FILIP1: variants seen among roughly 807,000 people sequenced by gnomAD.
The protein encoded by FILIP1 is filamin A interacting protein 1.
A neutral mutation model predicts 102.1 loss-of-function variants in FILIP1; 61 were observed. The observed-to-expected ratio is 0.60, with a 90% confidence interval of 0.49 to 0.74. The LOEUF is 0.74. FILIP1 is among the 30% of genes least tolerant of loss of function. The pLI is 0.00. For missense variants in FILIP1, 1,314 were observed against 1,441.2 expected (o/e 0.91, Z 1.43); for synonymous variants, 491 against 526.9 (o/e 0.93, Z 0.93).
intron 4 of FILIP1, among the ~76,000 whole-genome samples, chr6:75,352,764 C>T (rs893324354): frequency 6.6e-6 from 1 of 151,372 alleles, no homozygotes; most frequent in Admixed American, 6.6e-5. Flanking sequence ...AGATTTCCAC[C>T]CCAAAGAGAA....
rs1299304955 is a variant in FILIP1 at position 75,493,722 on chromosome 6, G to A, written c.-315C>T. On this transcript the variant is annotated 5_prime_UTR_variant, in exon 1 of 6. Transcript: ENST00000237172. ...TTGTTTAAAAGTTTTTTCTACTGTT[G>A]CTAGGTGTTGTTGGGTTCGGAGATT... The A allele has an allele frequency of 6.6e-6, 1 of 152,168 alleles. No individual in the cohort carries two copies. Among genetic ancestry groups the A allele is most frequent in the Non-Finnish European group, 1.5e-5 (1 of 68,042 alleles). The allele number at this position is 152,168 out of a possible 1,614,324, so 9.4% of individuals were successfully genotyped here. A position where few individuals can be genotyped will look rare whatever the true frequency, so the allele number is the denominator to read the frequency against.
At chr6:75,450,229 T>C (rs111917064) in intron 1 of FILIP1, among the ~76,000 whole-genome samples, 25,248 of 152,152 alleles carry the variant, frequency 0.17, 2,259 homozygotes, top group South Asian at 0.24. Context: ...CCTCTCACCT[T>C]GGCCTCTCAA....
chr6:75,371,005 C>T (rs753089027), intron 2 of FILIP1, among the ~76,000 whole-genome samples: 6 of 152,056 alleles, frequency 3.9e-5, no homozygotes, highest in Admixed American at 6.5e-5. Context: ...TTGAATTATA[C>T]TATTTACCTG....
intron 4 of FILIP1, among the ~76,000 whole-genome samples, chr6:75,341,173 T>C (rs1281260606): frequency 2.0e-5 from 3 of 151,166 alleles, no homozygotes; most frequent in African/African-American, 7.3e-5. Flanking sequence ...TTTTTTTGGA[T>C]TTTTTGAGAC....
chr6:75,402,621 T>G (rs1193383937), intron 2 of FILIP1, among the ~76,000 whole-genome samples: 1 of 152,154 alleles, frequency 6.6e-6, no homozygotes, highest in Non-Finnish European at 1.5e-5. Flanking sequence ...AAGCCATCTT[T>G]AAAGAAAAAA....
intron 1 of FILIP1, among the ~76,000 whole-genome samples, chr6:75,484,142 C>A (rs1779720679): frequency 6.6e-6 from 1 of 152,030 alleles, no homozygotes; most frequent in Non-Finnish European, 1.5e-5. Flanking sequence ...TAGAAAGGGA[C>A]CCAGAAAGTA....
At chr6:75,414,124 G>A (rs974227343) in intron 2 of FILIP1, among the ~76,000 whole-genome samples, 1 of 149,412 alleles carries the variant, frequency 6.7e-6, no homozygotes, top group Non-Finnish European at 1.5e-5. Flanking sequence ...AAACTATTAG[G>A]TTCTTCATAA....
At chr6:75,359,092 G>T (rs1487339720) in intron 3 of FILIP1, among the ~76,000 whole-genome samples, 1 of 152,024 alleles carries the variant, frequency 6.6e-6, no homozygotes, top group Non-Finnish European at 1.5e-5. Context: ...AACTGCCGAG[G>T]CCTCCCAGGT....
chr6:75,403,208 G>A (rs1344374278), intron 2 of FILIP1, among the ~76,000 whole-genome samples: 3 of 152,012 alleles, frequency 2.0e-5, no homozygotes, highest in Non-Finnish European at 4.4e-5. Flanking sequence ...AGCCTTCAGT[G>A]GCCCCTAAAG....
intron 1 of FILIP1, among the ~76,000 whole-genome samples, chr6:75,450,087 A>G (rs891636861): frequency 5.3e-5 from 8 of 152,082 alleles, no homozygotes; most frequent in Admixed American, 1.3e-4. Context: ...CTACAGGCGC[A>G]CACCACTGTG....
At chr6:75,376,975 T>C (rs1775772355) in intron 2 of FILIP1, among the ~76,000 whole-genome samples, 1 of 152,206 alleles carries the variant, frequency 6.6e-6, no homozygotes, top group African/African-American at 2.4e-5. Flanking sequence ...GTCTTACTAT[T>C]TTTTCTAAAC....
chr6:75,317,361 T>C (rs748339038), intron 4 of FILIP1, among the ~76,000 whole-genome samples: 1 of 152,154 alleles, frequency 6.6e-6, no homozygotes, highest in Non-Finnish European at 1.5e-5. Context: ...ACCAACCATA[T>C]AGAATTGTTG....
Position 75,414,837 on chromosome 6 carries a change from C to T in FILIP1, c.136G>A (p.Glu46Lys), listed in dbSNP as rs1256647931. 8.1e-6 allele frequency: 13 copies of T among 1,613,824 alleles called. No homozygotes were observed. The highest frequency in any genetic ancestry group is 1.1e-5 in the Non-Finnish European group (13 of 1,179,810). Reference sequence around the variant, plus strand: ...GTTCCTGAGGCCATGACATCATCCTCCTTCCTATTTGATTTCTTCTTCTTT... The same window carrying T: ...GTTCCTGAGGCCATGACATCATCCTTCTTCCTATTTGATTTCTTCTTCTTT... The part of the protein sequence containing the change: ...AKKKKKSNRK[E>K]DDVMASGTVK... The change falls in exon 2 of 6, where the codon GAG (glutamate) becomes AAG (lysine). Residue 46 changes from glutamate to lysine, a missense_variant. Transcript: ENST00000237172.
chr6:75,429,689 A>C (rs1210159012), intron 1 of FILIP1, among the ~76,000 whole-genome samples: 1 of 152,192 alleles, frequency 6.6e-6, no homozygotes, highest in Non-Finnish European at 1.5e-5. Context: ...GGAAGGCCTA[A>C]GGAACATGCC....
chr6:75,468,173 A>C (rs1430543557), intron 1 of FILIP1, among the ~76,000 whole-genome samples: 1 of 152,236 alleles, frequency 6.6e-6, no homozygotes, highest in East Asian at 1.9e-4. Flanking sequence ...TACAAGTTCC[A>C]GCAGCAAATC....
In FILIP1 at chr6:75,314,863, A is replaced by T; in HGVS notation, c.969T>A (p.Asn323Lys). 6.2e-7 allele frequency: 1 copy of T among 1,614,072 alleles called. No individual in the cohort carries two copies. Residue 323 changes from asparagine to lysine, a missense_variant, in exon 5 of 6, where the codon AAT (asparagine) becomes AAA (lysine). This residue lies in a region of FILIP1 where 494 missense variants were observed against 511.2 expected (regional missense o/e 0.97). Coordinates refer to ENST00000237172, the MANE Select transcript of FILIP1 (RefSeq NM_015687.5). ...EHEEMNAKLANQESHNRQLRL... is the reference protein window; with the variant it reads ...EHEEMNAKLAKQESHNRQLRL... Reference sequence around the variant, plus strand: ...TAAGTTGCCTATTGTGAGACTCTTGATTAGCCAGTTTAGCGTTCATCTCTT... The same window carrying T: ...TAAGTTGCCTATTGTGAGACTCTTGTTTAGCCAGTTTAGCGTTCATCTCTT...
chr6:75,485,861 C>A (rs1779768806), intron 1 of FILIP1, among the ~76,000 whole-genome samples: 1 of 151,916 alleles, frequency 6.6e-6, no homozygotes, highest in Non-Finnish European at 1.5e-5. Context: ...GAAGGAACAT[C>A]ATGCTGCCAG....
chr6:75,466,686 A>G (rs1284533252), intron 1 of FILIP1, among the ~76,000 whole-genome samples: 1 of 152,234 alleles, frequency 6.6e-6, no homozygotes, highest in Non-Finnish European at 1.5e-5. Flanking sequence ...GAGATCAACT[A>G]GGTCGGTGCT....
intron 1 of FILIP1, among the ~76,000 whole-genome samples, chr6:75,444,221 G>A (rs1056279889): frequency 5.3e-5 from 8 of 152,298 alleles, no homozygotes; most frequent in South Asian, 4.1e-4. Context: ...AACAGGTTGT[G>A]ATACTTCAAT....
Sources: allele counts gnomAD v4.1 joint callset (sites outside exome capture counted in the v4.1 genomes callset), GRCh38; gene constraint gnomAD v4.1.1; regional missense constraint gnomAD v4.1.1; transcripts MANE v1.5; gene names NCBI Gene and HGNC (gene_info 2026-07-23, HGNC 2026-07-21).